NPC1: variants seen among roughly 807,000 people sequenced by gnomAD.
The protein encoded by NPC1 is Niemann-Pick C1 protein.
In NPC1, 85 loss-of-function variants were observed where a neutral mutation model predicts 140.4. The ratio of observed to expected loss-of-function variants is 0.61; its 90% CI spans 0.51 to 0.72. The LOEUF is 0.72. NPC1 is among the 30% of genes least tolerant of loss of function. The pLI is 0.00. For synonymous variants in NPC1, 656 were observed against 624.8 expected (o/e 1.05, Z -0.74); for missense variants, 1,504 against 1,623.8 (o/e 0.93, Z 1.27).
chr18:23,561,286 C>T (rs2059034294), intron 5 of NPC1, 74 bp downstream of exon 5: 1 of 1,499,076 alleles, frequency 6.7e-7, no homozygotes, highest in East Asian at 2.3e-5. Flanking sequence ...CACTGGTGAG[C>T]CACTGTGCCC....
chr18:23,540,440 C>G lies in NPC1; in HGVS notation c.2604+8G>C, dbSNP rs1258459284. 2.7e-6 allele frequency: 4 copies of G among 1,506,162 alleles called. No homozygotes were observed. Among genetic ancestry groups the G allele is most frequent in the Non-Finnish European group, 3.7e-6 (4 of 1,090,078 alleles). 93.3% of individuals were successfully genotyped at this position (1,506,162 alleles called of 1,614,324 possible). A position where few individuals can be genotyped will look rare whatever the true frequency, so the allele number is the denominator to read the frequency against. Reference sequence around the variant, plus strand: ...GTTAAAAAAAAAAAAAAAAGGAAGTCATCTTACATCTGGCATCGAAAGAGA... The same window carrying G: ...GTTAAAAAAAAAAAAAAAAGGAAGTGATCTTACATCTGGCATCGAAAGAGA... On this transcript the variant is annotated splice_region_variant and intron_variant, in intron 17 of 24. Transcript: ENST00000269228.
chr18:23,576,053 G>A (rs1278925148), intron 1 of NPC1, among the ~76,000 whole-genome samples: 4 of 152,036 alleles, frequency 2.6e-5, no homozygotes, highest in Non-Finnish European at 5.9e-5. Flanking sequence ...GAGAAACCCT[G>A]TCTCTACTGA....
intron 1 of NPC1, among the ~76,000 whole-genome samples, chr18:23,575,769 CAA>C (rs35922440): frequency 3.5e-3 from 122 of 35,086 alleles, no homozygotes; most frequent in South Asian, 0.028. Flanking sequence ...CAGAGAAGAC[CAA>C]AAAAAAAAAA....
intron 1 of NPC1, among the ~76,000 whole-genome samples, chr18:23,584,218 A>T (rs1038751263): frequency 6.6e-6 from 1 of 152,218 alleles, no homozygotes; most frequent in African/African-American, 2.4e-5. Context: ...TACACAGGAC[A>T]ACTAGTCCAT....
chr18:23,561,401 T>C lies in NPC1; in HGVS notation c.590A>G (p.Asp197Gly), dbSNP rs1206416403. ...GATGGTAAAAGGTGCCTGTCCATTG[T>C]CCTTATTGAACATGTATTCAATCCA... ...TNWIEYMFNKDNGQAPFTITP... is the reference protein window; with the variant it reads ...TNWIEYMFNKGNGQAPFTITP... The change falls in exon 5 of 25, where the codon GAC (aspartate) becomes GGC (glycine). Residue 197 changes from aspartate (D) to glycine (G), a missense_variant. By Grantham distance (94) the Asp-to-Gly change is moderately conservative. Transcript: ENST00000269228. 3.1e-6 allele frequency: 5 copies of C among 1,614,072 alleles called. No individual in the cohort carries two copies. Among genetic ancestry groups the C allele is most frequent in the Non-Finnish European group, 4.2e-6 (5 of 1,180,036 alleles).
At chr18:23,557,557 C>T (rs771997862) in intron 6 of NPC1, among the ~76,000 whole-genome samples, 4 of 152,194 alleles carry the variant, frequency 2.6e-5, no homozygotes, top group Non-Finnish European at 5.9e-5. Flanking sequence ...GAGATCGAGA[C>T]CAACCTGGCC....
intron 3 of NPC1, among the ~76,000 whole-genome samples, chr18:23,514,659 G>A (rs2057952818): frequency 6.6e-6 from 1 of 152,190 alleles, no homozygotes; most frequent in Non-Finnish European, 1.5e-5. Context: ...TGATTGCATG[G>A]GAAGGATGGC....
intron 1 of NPC1, among the ~76,000 whole-genome samples, chr18:23,580,422 C>T (rs986550921): frequency 6.6e-6 from 1 of 152,190 alleles, no homozygotes; most frequent in Admixed American, 6.5e-5. Context: ...AGTGTTCCTT[C>T]AATATAAACT....
intron 10 of NPC1, among the ~76,000 whole-genome samples, chr18:23,550,765 C>T (rs1041112315): frequency 2.6e-5 from 4 of 152,198 alleles, no homozygotes; most frequent in East Asian, 1.9e-4. Flanking sequence ...GGATTACAGG[C>T]GTGAGCCACC....
At chr18:23,527,992 A>G (rs542211230), downstream of NPC1, 18 of 1,084,386 alleles carry the variant, frequency 1.7e-5, no homozygotes, top group African/African-American at 1.4e-4. Flanking sequence ...TGTTTCCTAT[A>G]TATTAGAATA....
At chr18:23,508,094 T>A in intron 3 of NPC1, 1 of 1,535,670 alleles carries the variant, frequency 6.5e-7, no homozygotes, top group Non-Finnish European at 8.8e-7. Flanking sequence ...TTGAGCTGGG[T>A]TATGTAGTGG....
intron 1 of NPC1, among the ~76,000 whole-genome samples, chr18:23,577,893 C>T (rs2059310143): frequency 6.6e-6 from 1 of 152,250 alleles, no homozygotes; most frequent in Admixed American, 6.5e-5. Flanking sequence ...CCCCCATTGC[C>T]CGGGGCCAGC....
intron 23 of NPC1, 141 bp from the exon 24 acceptor site, chr18:23,533,658 G>A (rs577469897): frequency 4.1e-5 from 32 of 781,304 alleles, no homozygotes; most frequent in South Asian, 2.1e-4. Flanking sequence ...ACAGGTGCAC[G>A]CCACCATGCC....
chr18:23,579,029 G>A (rs933388028), intron 1 of NPC1, among the ~76,000 whole-genome samples: 1 of 152,106 alleles, frequency 6.6e-6, no homozygotes, highest in Admixed American at 6.6e-5. Flanking sequence ...CACTGCCTGT[G>A]CGACAAGCTT....
chr18:23,532,109 G>A lies in NPC1; in HGVS notation c.*93C>T, dbSNP rs767445438. On this transcript the variant is annotated 3_prime_UTR_variant, in exon 25 of 25. Coordinates refer to ENST00000269228, the MANE Select transcript of NPC1 (RefSeq NM_000271.5). Reference sequence around the variant, plus strand: ...AAACAACCGATGGTTGGCACCATCCGGTGTTCAACTTGGCCTTGCCGATGC... The same window carrying A: ...AAACAACCGATGGTTGGCACCATCCAGTGTTCAACTTGGCCTTGCCGATGC... 274 of 1,613,568 alleles carry A rather than the reference G, an allele frequency of 1.7e-4. No individual in the cohort carries two copies. The Middle Eastern group carries it at 2.7e-3, about 16-fold the overall frequency.
chr18:23,546,248 C>CAA lies in NPC1; in HGVS notation c.1758-1101_1758-1100dup, dbSNP rs60021403. Among the ~76,000 whole-genome samples the CAA allele has an allele frequency of 4.3e-3, 194 of 45,586 alleles. 15 individuals are homozygous for CAA. Among genetic ancestry groups the CAA allele is most frequent in the African/African-American group, 0.014 (143 of 9,986 alleles). The allele number at this position is 45,586 out of a possible 152,430, so 29.9% of individuals were successfully genotyped here. ...TGGATGACACAGCAAGACTCTGTCT[C>CAA]AAAAAAAAAAAAAAAAAAAAAAAAA... On this transcript the variant is annotated intron_variant, in intron 11 of 24. Coordinates refer to ENST00000269228, the MANE Select transcript of NPC1 (RefSeq NM_000271.5).
At chr18:23,569,897 GCT>G (rs1040906713) in intron 3 of NPC1, among the ~76,000 whole-genome samples, 55 of 152,316 alleles carry the variant, frequency 3.6e-4, no homozygotes, top group African/African-American at 1.2e-3. Flanking sequence ...TGATAAAAGA[GCT>G]CTCTTTTCCC....
downstream of NPC1, chr18:23,526,593 C>A (rs149516338): frequency 2.5e-6 from 4 of 1,593,998 alleles, no homozygotes; most frequent in South Asian, 3.4e-5. Flanking sequence ...GCTTTTGTTA[C>A]GGTTTGCATC....
downstream of NPC1, among the ~76,000 whole-genome samples, chr18:23,519,781 T>TG (rs2058097354): frequency 6.6e-6 from 1 of 152,132 alleles, no homozygotes; most frequent in Admixed American, 6.6e-5. Flanking sequence ...ATGACAGTGC[T>TG]GGGGGATAAT....
Sources: allele counts gnomAD v4.1 joint callset (sites outside exome capture counted in the v4.1 genomes callset), GRCh38; gene constraint gnomAD v4.1.1; transcripts MANE v1.5; gene names NCBI Gene and HGNC (gene_info 2026-07-23, HGNC 2026-07-21).